Variants in DAAM1 observed in about 807,000 individuals in gnomAD.
DAAM1 encodes the protein dishevelled associated activator of morphogenesis 1.
In DAAM1, 52 loss-of-function variants were observed where a neutral mutation model predicts 130.0. The observed-to-expected ratio is 0.40, with a 90% CI of 0.32 to 0.50. The LOEUF is 0.50. DAAM1 is among the 20% of genes least tolerant of loss of function. DAAM1 has a pLI of 0.61. For synonymous variants in DAAM1, 452 were observed against 444.5 expected (o/e 1.02, Z -0.21); for missense variants, 1,134 against 1,303.8 (o/e 0.87, Z 2.01).
chr14:59,322,862 T>A, intron 5 of DAAM1, 30 bp from the exon 6 acceptor site: 2 of 1,564,152 alleles, frequency 1.3e-6, no homozygotes, highest in South Asian at 2.4e-5. Context: ...CCAAAGGCAC[T>A]TAAGCATGGT....
At chr14:59,251,975 G>T (rs1389015931) in intron 1 of DAAM1, among the ~76,000 whole-genome samples, 6 of 152,174 alleles carry the variant, frequency 3.9e-5, no homozygotes. Flanking sequence ...TCAGCGTGCT[G>T]CCCCAAATGA....
chr14:59,298,128 T>G (rs1884030196), intron 3 of DAAM1, among the ~76,000 whole-genome samples: 1 of 152,192 alleles, frequency 6.6e-6, no homozygotes, highest in Non-Finnish European at 1.5e-5. Context: ...TGCAATGTAT[T>G]TTATATTAGG....
chr14:59,297,145 T>C (rs894671596), intron 3 of DAAM1, among the ~76,000 whole-genome samples: 4 of 152,158 alleles, frequency 2.6e-5, no homozygotes, highest in African/African-American at 9.7e-5. Context: ...CCCACCATTC[T>C]TCCCCCATGA....
chr14:59,196,730 G>A (rs1594751356), intron 1 of DAAM1, among the ~76,000 whole-genome samples: 5 of 151,722 alleles, frequency 3.3e-5, no homozygotes, highest in East Asian at 2.0e-4. Flanking sequence ...GTGACAGAGC[G>A]AGATTCTGTC....
At chr14:59,299,834 T>G (rs933769969) in intron 3 of DAAM1, 2 of 152,074 alleles carry the variant, frequency 1.3e-5, no homozygotes, top group East Asian at 3.9e-4. Context: ...TAATTTATAT[T>G]TGGGAAGTCT....
chr14:59,355,306 T>C lies in DAAM1; in HGVS notation c.2498T>C (p.Ile833Thr). Residue 833 changes from isoleucine (I) to threonine (T), a missense_variant, in exon 20 of 25, where the codon ATT becomes ACT. Coordinates refer to ENST00000360909, the MANE Select transcript of DAAM1 (RefSeq NM_001270520.2). ...TTCAAGATATCTAGCCTAAACAAAA[T>C]TGCTGACACAAAATCCAGCATCGAC... ...YGFKISSLNK[I>T]ADTKSSIDKN... 1 of 1,614,018 alleles carries C rather than the reference T, an allele frequency of 6.2e-7. No individual in the cohort carries two copies. The highest frequency in any genetic ancestry group is 8.5e-7 in the Non-Finnish European group (1 of 1,179,968).
intron 17 of DAAM1, 111 bp downstream of exon 17, chr14:59,347,734 T>C: frequency 9.5e-7 from 1 of 1,048,396 alleles, no homozygotes. Context: ...ATCTATGAAT[T>C]GAGGAGGCTG....
intron 2 of DAAM1, among the ~76,000 whole-genome samples, chr14:59,273,534 C>T: frequency 6.6e-6 from 1 of 152,146 alleles, no homozygotes; most frequent in East Asian, 1.9e-4. Context: ...TAAAATGAAT[C>T]CCAAAGAGAC....
chr14:59,370,627 A>G lies in DAAM1; in HGVS notation c.*1768A>G, dbSNP rs1426307869. ...CAAATTTAGTGACTTTCTACACACT[A>G]TATGGAAATAAATGACTAGCAAATA... is the stretch of plus-strand genomic sequence containing the variant. On this transcript the variant is annotated 3_prime_UTR_variant, in exon 25 of 25. Coordinates refer to ENST00000360909, the MANE Select transcript of DAAM1 (RefSeq NM_001270520.2). 1.3e-5 allele frequency: 2 copies of G among 152,108 alleles called. No individual in the cohort carries two copies. The highest frequency in any genetic ancestry group is 2.9e-5 in the Non-Finnish European group (2 of 67,984). 9.4% of individuals were successfully genotyped at this position (152,108 alleles called of 1,614,324 possible). A position where few individuals can be genotyped will look rare whatever the true frequency, so the allele number is the denominator to read the frequency against.
intron 3 of DAAM1, among the ~76,000 whole-genome samples, chr14:59,311,335 A>G (rs1326412533): frequency 6.6e-6 from 1 of 152,178 alleles, no homozygotes; most frequent in Non-Finnish European, 1.5e-5. Flanking sequence ...GAAATGGTTT[A>G]AATTATTTGC....
intron 1 of DAAM1, among the ~76,000 whole-genome samples, chr14:59,207,703 C>G (rs545393380): frequency 1.3e-5 from 2 of 152,198 alleles, no homozygotes; most frequent in African/African-American, 2.4e-5. Flanking sequence ...TCCTCTGGCT[C>G]TCCAGGACTC....
At chr14:59,252,564 T>C (rs1881694899) in intron 1 of DAAM1, among the ~76,000 whole-genome samples, 1 of 152,236 alleles carries the variant, frequency 6.6e-6, no homozygotes, top group Non-Finnish European at 1.5e-5. Context: ...GATTTAGTGA[T>C]GACAACTGCC....
At position 59,370,422 on chromosome 14, in the gene DAAM1, G is replaced by C. The variant is rs1887120430; in HGVS notation, c.*1563G>C. 1 of 151,978 alleles carries C rather than the reference G, an allele frequency of 6.6e-6. No homozygotes were observed. The highest frequency in any genetic ancestry group is 1.5e-5 in the Non-Finnish European group (1 of 67,948). The allele number at this position is 151,978 out of a possible 1,614,324, so 9.4% of individuals were successfully genotyped here. A position where few individuals can be genotyped will look rare whatever the true frequency, so the allele number is the denominator to read the frequency against. ...CCCAAAGAGCTTATATTCTAATGGG[G>C]ATATTAAGGGATGAATAGAATACCA... On this transcript the variant is annotated 3_prime_UTR_variant, in exon 25 of 25. Coordinates refer to ENST00000360909, the MANE Select transcript of DAAM1 (RefSeq NM_001270520.2).
rs1003792755 is a variant in DAAM1, at chr14:59,365,858, A to G, written c.2827-1571A>G. 2.0e-5 allele frequency among the ~76,000 whole-genome samples: 3 copies of G among 152,222 alleles called. No individual in the cohort carries two copies. In the East Asian group the frequency reaches 5.8e-4, roughly 29 times the overall value. On this transcript the variant is annotated intron_variant, in intron 23 of 24. Transcript: ENST00000360909. ...CTAGGAACACTATCCTTAGTAGCTT[A>G]GGAGTAATAACATTAGATCCTTACA...
At chr14:59,293,458 T>A (rs754736291) in intron 3 of DAAM1, among the ~76,000 whole-genome samples, 8 of 152,164 alleles carry the variant, frequency 5.3e-5, no homozygotes, top group Non-Finnish European at 1.2e-4. Flanking sequence ...GGAGGATGGA[T>A]ATGGATGTGG....
At chr14:59,207,454 T>G (rs927271365) in intron 1 of DAAM1, among the ~76,000 whole-genome samples, 2 of 152,246 alleles carry the variant, frequency 1.3e-5, no homozygotes, top group African/African-American at 2.4e-5. Flanking sequence ...AAAGAGATTT[T>G]ACTGTGTAAT....
intron 2 of DAAM1, among the ~76,000 whole-genome samples, chr14:59,284,207 G>A (rs1883345282): frequency 6.6e-6 from 1 of 152,128 alleles, no homozygotes; most frequent in African/African-American, 2.4e-5. Context: ...AGAAGCCAAG[G>A]AGAGGTTATT....
intron 22 of DAAM1, chr14:59,363,148 G>C (rs1163345880): frequency 6.3e-6 from 1 of 157,658 alleles, no homozygotes; most frequent in Admixed American, 6.2e-5. Flanking sequence ...GAGAAAAATG[G>C]TACATTATGG....
At chr14:59,288,618 G>A (rs1182657628) in intron 2 of DAAM1, among the ~76,000 whole-genome samples, 3 of 152,102 alleles carry the variant, frequency 2.0e-5, no homozygotes, top group African/African-American at 7.2e-5. Flanking sequence ...CTGAAAAGAA[G>A]GCATGCATGC....
Sources: allele counts gnomAD v4.1 joint callset (sites outside exome capture counted in the v4.1 genomes callset), GRCh38; gene constraint gnomAD v4.1.1; transcripts MANE v1.5; gene names NCBI Gene and HGNC (gene_info 2026-07-23, HGNC 2026-07-21).